Variants in ADAMTS18 observed in about 807,000 individuals in gnomAD.
The protein encoded by ADAMTS18 is A disintegrin and metalloproteinase with thrombospondin motifs 18.
ADAMTS18 carries 157 observed loss-of-function variants against 165.9 expected under a neutral mutation model. That is an observed-to-expected ratio of 0.95 (90% CI 0.83 to 1.08). The LOEUF (loss-of-function observed/expected upper bound fraction) is 1.08. ADAMTS18 is among the 50% of genes least tolerant of loss of function. The pLI, the probability that ADAMTS18 is intolerant of heterozygous loss-of-function variation, is 0.00. For missense variants in ADAMTS18, 2,040 were observed against 1,534.0 expected (o/e 1.33, Z -5.51); for synonymous variants, 782 against 578.2 (o/e 1.35, Z -5.06).
chr16:77,337,503 T>C (rs1051021453), intron 11 of ADAMTS18, among the ~76,000 whole-genome samples: 3 of 152,178 alleles, frequency 2.0e-5, no homozygotes, highest in Non-Finnish European at 4.4e-5. Flanking sequence ...TGACACAAAC[T>C]ACCCAAACAG....
At chr16:77,369,807 T>C (rs1292739724) in intron 3 of ADAMTS18, among the ~76,000 whole-genome samples, 2 of 152,158 alleles carry the variant, frequency 1.3e-5, no homozygotes, top group African/African-American at 4.8e-5. Flanking sequence ...CGGGTCAGTA[T>C]ACCTGATGAA....
intron 19 of ADAMTS18, 66 bp from the exon 20 acceptor site, chr16:77,293,324 A>T: frequency 1.5e-6 from 2 of 1,349,960 alleles, no homozygotes; most frequent in African/African-American, 2.9e-5. Context: ...TAAAAAAAAA[A>T]ACAACACACT....
chr16:77,371,876 A>G (rs1004724881), intron 3 of ADAMTS18, among the ~76,000 whole-genome samples: 21 of 152,352 alleles, frequency 1.4e-4, no homozygotes, highest in African/African-American at 4.8e-4. Flanking sequence ...TGTACCCGAT[A>G]AGAGTTAATA....
intron 17 of ADAMTS18, 101 bp downstream of exon 17, chr16:77,300,162 T>G: frequency 7.2e-7 from 1 of 1,388,274 alleles, no homozygotes; most frequent in Non-Finnish European, 1.0e-6. Flanking sequence ...AGACAGTTCT[T>G]GGGTGGCTTA....
Position 77,319,863 on chromosome 16 carries a change from T to C in ADAMTS18, c.2518A>G (p.Thr840Ala). The C allele has an allele frequency of 6.2e-7, 1 of 1,614,158 alleles. No homozygotes were observed. The highest frequency in any genetic ancestry group is 8.5e-7 in the Non-Finnish European group (1 of 1,180,020). ...RLYAPGPTNE[T>A]LVFEILMQGK... ...AAGGGGCTTACTTCAAAGACCAGCG[T>C]CTCATTTGTGGGCCCTGGCGCGTAC... Residue 840 changes from threonine (T) to alanine (A), a missense_variant, in exon 16 of 23, where the codon ACG (threonine) becomes GCG (alanine). Transcript: ENST00000282849.
chr16:77,404,146 T>A (rs1449758735), intron 3 of ADAMTS18, among the ~76,000 whole-genome samples: 1 of 151,972 alleles, frequency 6.6e-6, no homozygotes, highest in East Asian at 1.9e-4. Context: ...GACAACTGTG[T>A]CTCCTAACAG....
chr16:77,421,730 G>T (rs1597255130), intron 3 of ADAMTS18, among the ~76,000 whole-genome samples: 1 of 152,080 alleles, frequency 6.6e-6, no homozygotes, highest in African/African-American at 2.4e-5. Flanking sequence ...TATTTGACAT[G>T]TCAGCTTTTC....
intron 12 of ADAMTS18, among the ~76,000 whole-genome samples, chr16:77,334,676 C>G (rs2056263302): frequency 9.3e-6 from 1 of 107,338 alleles, no homozygotes; most frequent in East Asian, 2.6e-4. Flanking sequence ...AGTGCATATA[C>G]TATAGTATAT....
At chr16:77,314,988 T>C (rs1368301678) in intron 16 of ADAMTS18, among the ~76,000 whole-genome samples, 1 of 151,252 alleles carries the variant, frequency 6.6e-6, no homozygotes, top group African/African-American at 2.4e-5. Context: ...TGTAGCTAGT[T>C]AAGAGTCTGT....
At chr16:77,390,000 G>A (rs2057164056) in intron 3 of ADAMTS18, among the ~76,000 whole-genome samples, 1 of 152,100 alleles carries the variant, frequency 6.6e-6, no homozygotes, top group Non-Finnish European at 1.5e-5. Flanking sequence ...TCTACAACTT[G>A]GAATAAAATC....
chr16:77,318,198 G>A (rs1258181971), intron 16 of ADAMTS18, among the ~76,000 whole-genome samples: 1 of 152,140 alleles, frequency 6.6e-6, no homozygotes, highest in Non-Finnish European at 1.5e-5. Context: ...AAATACATGG[G>A]TATGTTCTCA....
chr16:77,328,543 C>A lies in ADAMTS18; in HGVS notation c.1860-2505G>T, dbSNP rs1005832819. Among the ~76,000 whole-genome samples the A allele has an allele frequency of 2.0e-5, 3 of 152,158 alleles. No homozygotes were observed. The East Asian group carries it at 5.8e-4, about 29-fold the overall frequency. On this transcript the variant is annotated intron_variant, in intron 12 of 22. Transcript: ENST00000282849. ...GATTTTTATGCTATTTTAAAACACT[C>A]TGGAGCAACTACTTAAACATGCTGC...
At chr16:77,428,362 G>A (rs563362180) in intron 3 of ADAMTS18, among the ~76,000 whole-genome samples, 5 of 152,206 alleles carry the variant, frequency 3.3e-5, no homozygotes, top group African/African-American at 1.2e-4. Flanking sequence ...GAGGAGTTAT[G>A]AACCCCTGAT....
chr16:77,342,074 T>C (rs962460508), intron 10 of ADAMTS18, among the ~76,000 whole-genome samples: 1 of 152,184 alleles, frequency 6.6e-6, no homozygotes, highest in African/African-American at 2.4e-5. Flanking sequence ...TTGGAAGTGA[T>C]AGATCTGGTT....
chr16:77,408,203 C>G (rs2057416664), intron 3 of ADAMTS18, among the ~76,000 whole-genome samples: 1 of 151,964 alleles, frequency 6.6e-6, no homozygotes, highest in Non-Finnish European at 1.5e-5. Flanking sequence ...CACAAAAATA[C>G]CAAGTACTGG....
At chr16:77,401,328 C>A (rs992480405) in intron 3 of ADAMTS18, among the ~76,000 whole-genome samples, 1 of 152,070 alleles carries the variant, frequency 6.6e-6, no homozygotes, top group Non-Finnish European at 1.5e-5. Context: ...CCACAATAAT[C>A]CAAGATAATA....
intron 3 of ADAMTS18, among the ~76,000 whole-genome samples, chr16:77,429,426 T>C (rs546813852): frequency 8.9e-4 from 135 of 152,182 alleles, no homozygotes; most frequent in African/African-American, 3.2e-3. Flanking sequence ...GACACTGAGG[T>C]CTACTTGGGG....
chr16:77,395,732 G>A (rs1053283595), intron 3 of ADAMTS18, among the ~76,000 whole-genome samples: 2 of 151,978 alleles, frequency 1.3e-5, no homozygotes, highest in African/African-American at 4.8e-5. Context: ...CGCCTGCCCT[G>A]ACACTAAGGA....
chr16:77,350,309 G>A (rs2056537609), intron 10 of ADAMTS18, among the ~76,000 whole-genome samples: 1 of 152,176 alleles, frequency 6.6e-6, no homozygotes. Flanking sequence ...AGGGGAGGAT[G>A]GGGATGAGTG....
Sources: allele counts gnomAD v4.1 joint callset (sites outside exome capture counted in the v4.1 genomes callset), GRCh38; gene constraint gnomAD v4.1.1; transcripts MANE v1.5; gene names NCBI Gene and HGNC (gene_info 2026-07-23, HGNC 2026-07-21).